The following CAST variants were observed in gnomAD, a reference collection of about 807,000 sequenced individuals.
CAST encodes the protein MIR583 host.
CAST carries 76 observed loss-of-function variants against 119.6 expected under a neutral mutation model. That is an observed-to-expected ratio of 0.64 (90% confidence interval 0.53 to 0.77). CAST has a LOEUF of 0.77. CAST is among the 30% of genes least tolerant of loss of function. The probability of loss-of-function intolerance (pLI) is 0.00; values close to 1 mark genes in which losing one functional copy is unlikely to be tolerated. For synonymous variants in CAST, 319 were observed against 331.6 expected (o/e 0.96, Z 0.41); for missense variants, 953 against 946.5 (o/e 1.01, Z -0.09).
the CAST span, among the ~76,000 whole-genome samples, chr5:96,135,124 C>T: frequency 7.2e-5 from 11 of 152,130 alleles, no homozygotes; most frequent in African/African-American, 2.4e-4. Context: ...AGGTTCCCTC[C>T]CACACCATAA....
At chr5:96,217,215 T>TTTTTTTTTTTTTC in the CAST span, among the ~76,000 whole-genome samples, 1 of 146,352 alleles carries the variant, frequency 6.8e-6, no homozygotes, top group African/African-American at 2.6e-5. Flanking sequence ...TTTTTTTTTT[T>TTTTTTTTTTTTTC]TTTTTTATAG....
At chr5:96,181,534 T>C in the CAST span, among the ~76,000 whole-genome samples, 3 of 152,236 alleles carry the variant, frequency 2.0e-5, no homozygotes, top group African/African-American at 7.2e-5. Flanking sequence ...TTCTCTCCAT[T>C]GCGTAGCTGT....
the CAST span, among the ~76,000 whole-genome samples, chr5:96,100,164 C>G: frequency 1.3e-5 from 2 of 152,088 alleles, no homozygotes; most frequent in African/African-American, 4.8e-5. Context: ...AGGTACCCTG[C>G]TGCAGGTTTA....
the CAST span, among the ~76,000 whole-genome samples, chr5:96,380,422 C>A: frequency 2.2e-4 from 33 of 152,242 alleles, no homozygotes; most frequent in African/African-American, 7.9e-4. Flanking sequence ...AATTATCAGG[C>A]TTTTCCTGAA....
chr5:96,607,551 T>C (rs1747282105), intron 1 of CAST, among the ~76,000 whole-genome samples: 1 of 151,440 alleles, frequency 6.6e-6, no homozygotes, highest in Admixed American at 6.6e-5. Flanking sequence ...AAAATTACCT[T>C]TTTACATATT....
At chr5:96,638,067 G>T (rs1040681421) in intron 1 of CAST, among the ~76,000 whole-genome samples, 1 of 152,206 alleles carries the variant, frequency 6.6e-6, no homozygotes, top group African/African-American at 2.4e-5. Flanking sequence ...GCTTGGCAAG[G>T]AAGAGGTTGG....
the CAST span, among the ~76,000 whole-genome samples, chr5:96,511,176 C>T: frequency 1.3e-5 from 2 of 152,188 alleles, no homozygotes; most frequent in South Asian, 2.1e-4. Context: ...GACGGAATCT[C>T]GCTCTGTCAC....
chr5:96,368,047 A>G, the CAST span, among the ~76,000 whole-genome samples: 1 of 152,002 alleles, frequency 6.6e-6, no homozygotes, highest in African/African-American at 2.4e-5. Context: ...TAAGTATCCA[A>G]CATTTTCATA....
At chr5:96,257,786 T>C in the CAST span, among the ~76,000 whole-genome samples, 12 of 152,372 alleles carry the variant, frequency 7.9e-5, no homozygotes, top group Admixed American at 3.3e-4. Flanking sequence ...TCTTTACAGT[T>C]CTCCGAGGGC....
the CAST span, among the ~76,000 whole-genome samples, chr5:96,255,081 A>C: frequency 2.6e-5 from 4 of 152,114 alleles, no homozygotes; most frequent in Non-Finnish European, 5.9e-5. Flanking sequence ...TTCCTACCAT[A>C]AGCTTAATGA....
the CAST span, among the ~76,000 whole-genome samples, chr5:96,211,516 C>T: frequency 6.6e-6 from 1 of 151,954 alleles, no homozygotes; most frequent in African/African-American, 2.4e-5. Flanking sequence ...CTTAATTTCT[C>T]TAAAATATTA....
chr5:96,397,867 A>C, the CAST span, among the ~76,000 whole-genome samples: 1 of 152,080 alleles, frequency 6.6e-6, no homozygotes, highest in Non-Finnish European at 1.5e-5. Context: ...AATCTTGAAA[A>C]TTTAGTAGGT....
At chr5:96,464,279 T>C in the CAST span, among the ~76,000 whole-genome samples, 1 of 152,056 alleles carries the variant, frequency 6.6e-6, no homozygotes, top group Non-Finnish European at 1.5e-5. Context: ...ATAAACTGTT[T>C]TTCTATGTTA....
chr5:96,395,736 C>A, the CAST span, among the ~76,000 whole-genome samples: 1 of 151,960 alleles, frequency 6.6e-6, no homozygotes, highest in Non-Finnish European at 1.5e-5. Context: ...CATGTGTATA[C>A]CTATGTAACA....
chr5:96,313,696 C>T, the CAST span, among the ~76,000 whole-genome samples: 3,345 of 152,174 alleles, frequency 0.022, 41 homozygotes, highest in South Asian at 0.044. Flanking sequence ...TTATAAACTG[C>T]CAAACATTTT....
At chr5:96,318,782 C>T in the CAST span, 1 of 152,118 alleles carries the variant, frequency 6.6e-6, no homozygotes, top group Non-Finnish European at 1.5e-5. Context: ...TGAGTCTGTT[C>T]CCAGCTGTCA....
At chr5:96,108,520 C>T in the CAST span, among the ~76,000 whole-genome samples, 1 of 152,208 alleles carries the variant, frequency 6.6e-6, no homozygotes, top group East Asian at 1.9e-4. Flanking sequence ...GGGGGTGCCT[C>T]CCAGTTAGGC....
the CAST span, among the ~76,000 whole-genome samples, chr5:96,496,868 T>C: frequency 6.6e-6 from 1 of 152,214 alleles, no homozygotes; most frequent in Non-Finnish European, 1.5e-5. Context: ...GCTGTATTTT[T>C]TTTTATTATA....
chr5:96,220,880 C>T, the CAST span, among the ~76,000 whole-genome samples: 1 of 152,156 alleles, frequency 6.6e-6, no homozygotes, highest in Non-Finnish European at 1.5e-5. Context: ...AACCAACATT[C>T]CGTGATGCCC....
Sources: gnomAD v4.1 joint callset for allele counts (sites outside exome capture counted in the v4.1 genomes callset) on GRCh38, gnomAD v4.1.1 for gene constraint, MANE v1.5 for transcripts, NCBI Gene and HGNC (gene_info 2026-07-23, HGNC 2026-07-21) for gene names.